Variants in LRBA observed in about 807,000 individuals in gnomAD.
The protein encoded by LRBA is lipopolysaccharide-responsive and beige-like anchor protein.
Under a neutral mutation model 330.0 loss-of-function variants are expected in LRBA, and 176 were observed. The ratio of observed to expected loss-of-function variants is 0.53; its 90% CI spans 0.47 to 0.60. The LOEUF (loss-of-function observed/expected upper bound fraction) is 0.60. LRBA is among the 20% of genes least tolerant of loss of function. The pLI is 0.00. For missense variants in LRBA, 3,259 were observed against 3,444.8 expected (o/e 0.95, Z 1.35); for synonymous variants, 1,230 against 1,193.0 (o/e 1.03, Z -0.64).
chr4:150,909,710 T>C (rs966584715), intron 9 of LRBA, among the ~76,000 whole-genome samples: 2 of 152,230 alleles, frequency 1.3e-5, no homozygotes, highest in Admixed American at 1.3e-4. Context: ...ATGGAAGTTC[T>C]ATTTTTAATT....
At chr4:150,536,380 A>C (rs1351296533) in intron 40 of LRBA, among the ~76,000 whole-genome samples, 9 of 152,218 alleles carry the variant, frequency 5.9e-5, no homozygotes, top group Non-Finnish European at 1.3e-4. Flanking sequence ...AAGACATAGA[A>C]AAGTATTTAG....
chr4:150,904,990 G>A (rs951909785), intron 13 of LRBA, among the ~76,000 whole-genome samples: 6 of 151,994 alleles, frequency 3.9e-5, no homozygotes, highest in Admixed American at 6.6e-5. Flanking sequence ...GAAATAACAC[G>A]ACTTCTAACA....
chr4:150,965,189 T>G (rs1268676128), intron 2 of LRBA, among the ~76,000 whole-genome samples: 1 of 152,192 alleles, frequency 6.6e-6, no homozygotes, highest in Non-Finnish European at 1.5e-5. Flanking sequence ...TAAAGATTAT[T>G]TATTGAAGTA....
intron 40 of LRBA, among the ~76,000 whole-genome samples, chr4:150,496,493 A>T (rs28360888): frequency 0.068 from 10,271 of 151,798 alleles, 565 homozygotes; most frequent in East Asian, 0.18. Flanking sequence ...TTATTTTTTT[A>T]AAAAAAACTA....
chr4:150,526,640 T>C (rs927642627), intron 40 of LRBA, among the ~76,000 whole-genome samples: 2 of 152,178 alleles, frequency 1.3e-5, no homozygotes, highest in African/African-American at 4.8e-5. Context: ...TTTATATTAA[T>C]CTATGAAACA....
rs182774822 is a variant in LRBA at position 150,515,754 on chromosome 4, G to A, written c.6331-24719C>T. ...ATAAACATGGGAACTATTAATATTT[G>A]TTCTCCATTTTAGCATTTGACACAA... is the stretch of plus-strand genomic sequence containing the variant. On this transcript the variant is annotated intron_variant, in intron 40 of 56. Coordinates refer to ENST00000651943, the MANE Select transcript of LRBA (RefSeq NM_001364905.1). Among the ~76,000 whole-genome samples the A allele has an allele frequency of 5.7e-4, 86 of 152,086 alleles. 1 individual carries two copies. The highest frequency in any genetic ancestry group is 2.4e-3 in the Admixed American group (37 of 15,278).
intron 19 of LRBA, 28 bp downstream of exon 19, chr4:150,871,317 G>A (rs1753413611): frequency 5.0e-6 from 6 of 1,190,796 alleles, no homozygotes; most frequent in Non-Finnish European, 6.2e-6. Context: ...AAGAAATTTA[G>A]AGGAGTAAAT....
At chr4:150,895,208 T>C (rs1386367158) in intron 16 of LRBA, among the ~76,000 whole-genome samples, 7 of 151,976 alleles carry the variant, frequency 4.6e-5, no homozygotes, top group African/African-American at 1.7e-4. Flanking sequence ...TTTAGTTAGA[T>C]TGCAACTGAC....
intron 40 of LRBA, among the ~76,000 whole-genome samples, chr4:150,529,046 T>A (rs1763782896): frequency 6.6e-6 from 1 of 152,326 alleles, no homozygotes; most frequent in Non-Finnish European, 1.5e-5. Context: ...TTTCTCTACA[T>A]GAGATCATAC....
chr4:150,772,538 AG>A (rs1285246997), intron 34 of LRBA, among the ~76,000 whole-genome samples: 3 of 152,230 alleles, frequency 2.0e-5, no homozygotes, highest in Non-Finnish European at 4.4e-5. Context: ...CATAATAAGC[AG>A]CTCAGTCACT....
chr4:150,770,312 A>G (rs980296910), intron 34 of LRBA, among the ~76,000 whole-genome samples: 2 of 152,072 alleles, frequency 1.3e-5, no homozygotes, highest in African/African-American at 4.8e-5. Flanking sequence ...CCCTCATAAT[A>G]AATTTCTTTG....
intron 40 of LRBA, among the ~76,000 whole-genome samples, chr4:150,500,683 T>C (rs1295090352): frequency 6.6e-6 from 1 of 152,232 alleles, no homozygotes; most frequent in Non-Finnish European, 1.5e-5. Flanking sequence ...GTGTAGCAGA[T>C]ACAATATGAT....
At chr4:150,490,107 G>C (rs1455752212) in intron 41 of LRBA, among the ~76,000 whole-genome samples, 1 of 151,622 alleles carries the variant, frequency 6.6e-6, no homozygotes. Context: ...GAAGAGGTAT[G>C]TGCCAGGAGG....
At chr4:150,648,076 A>C (rs986206105) in intron 37 of LRBA, among the ~76,000 whole-genome samples, 1 of 148,636 alleles carries the variant, frequency 6.7e-6, no homozygotes, top group Non-Finnish European at 1.5e-5. Context: ...AAATAAAGAG[A>C]TACCCAAGCA....
chr4:150,627,294 A>C (rs563288215), intron 37 of LRBA, among the ~76,000 whole-genome samples: 1 of 152,206 alleles, frequency 6.6e-6, no homozygotes, highest in East Asian at 1.9e-4. Flanking sequence ...AAAATTAATA[A>C]GTATGCAAAT....
intron 48 of LRBA, among the ~76,000 whole-genome samples, chr4:150,346,429 G>A (rs575387948): frequency 3.1e-4 from 47 of 152,036 alleles, no homozygotes; most frequent in East Asian, 1.4e-3. Context: ...AAGTTTTAAC[G>A]GTCTTTAGCA....
chr4:151,003,357 A>G (rs1033326088), intron 2 of LRBA, among the ~76,000 whole-genome samples: 2 of 147,816 alleles, frequency 1.4e-5, no homozygotes, highest in Non-Finnish European at 3.0e-5. Context: ...AAATCAAGCC[A>G]CTTCACTCCA....
intron 37 of LRBA, among the ~76,000 whole-genome samples, chr4:150,655,169 T>C (rs1780066070): frequency 6.6e-6 from 1 of 152,190 alleles, no homozygotes; most frequent in Non-Finnish European, 1.5e-5. Context: ...TCATTTTTAT[T>C]AGTTTTAGGT....
At chr4:150,445,371 CTCTCTCTATATATATA>C (rs1257488582) in intron 44 of LRBA, among the ~76,000 whole-genome samples, 16 of 84,392 alleles carry the variant, frequency 1.9e-4, no homozygotes, top group African/African-American at 4.1e-4. Flanking sequence ...CTCTCTCTCT[CTCTCTCTATATATATA>C]TATATATATA....
Sources: allele counts gnomAD v4.1 joint callset (sites outside exome capture counted in the v4.1 genomes callset), GRCh38; gene constraint gnomAD v4.1.1; transcripts MANE v1.5; gene names NCBI Gene and HGNC (gene_info 2026-07-23, HGNC 2026-07-21).